The following TEX11 variants were observed in gnomAD, a reference collection of about 807,000 sequenced individuals.
TEX11 encodes testis-expressed protein 11.
Under a neutral mutation model 84.4 loss-of-function variants are expected in TEX11, and 7 were observed. The ratio of observed to expected loss-of-function variants is 0.08; its 90% CI spans 0.05 to 0.16. The LOEUF is 0.16. Ranked by LOEUF, TEX11 falls within the 10% of genes least tolerant of loss-of-function variation. The pLI is 1.00. For synonymous variants in TEX11, 264 were observed against 222.8 expected, an observed-to-expected ratio of 1.18 and a Z score of -1.64; for missense variants, 551 against 660.5, an observed-to-expected ratio of 0.83 and a Z score of 1.82.
At chrX:70,527,605 CT>C (rs368206845), downstream of TEX11, among the ~76,000 whole-genome samples, 701 of 111,499 alleles carry the variant, frequency 6.3e-3, 6 homozygotes, top group African/African-American at 0.021. Flanking sequence ...TTAGGAAGGA[CT>C]TTACTAAGTT....
At chrX:70,700,913 G>T (rs1183631882) in intron 13 of TEX11, among the ~76,000 whole-genome samples, 1 of 112,128 alleles carries the variant, frequency 8.9e-6, no homozygotes, top group African/African-American at 3.2e-5. Flanking sequence ...GCCACAGCAC[G>T]TTCTTGAGCC....
At chrX:70,862,827 G>A in intron 4 of TEX11, among the ~76,000 whole-genome samples, 1 of 107,841 alleles carries the variant, frequency 9.3e-6, no homozygotes, top group Middle Eastern at 4.6e-3. Context: ...AGGCAGGAAA[G>A]TCTCTTCAAC....
chrX:70,824,465 A>G (rs1273421536), intron 8 of TEX11, among the ~76,000 whole-genome samples: 1 of 111,479 alleles, frequency 9.0e-6, no homozygotes, highest in Non-Finnish European at 1.9e-5. Context: ...AAATACTCAA[A>G]ACTTTGAGAG....
intron 9 of TEX11, among the ~76,000 whole-genome samples, chrX:70,761,328 C>T (rs746984178): frequency 8.9e-6 from 1 of 111,822 alleles, no homozygotes; most frequent in Admixed American, 9.5e-5. Flanking sequence ...TATTGTGGCA[C>T]CATTTACAAT....
chrX:70,713,311 G>C (rs2090458872), intron 13 of TEX11, among the ~76,000 whole-genome samples: 1 of 111,972 alleles, frequency 8.9e-6, no homozygotes, highest in Non-Finnish European at 1.9e-5. Flanking sequence ...CTCATAAAGT[G>C]AGTTACGGAG....
chrX:70,897,707 G>GAAAGAAAGA (rs2091780469), intron 2 of TEX11: 1 of 99,395 alleles, frequency 1.0e-5, no homozygotes, highest in African/African-American at 3.9e-5. Context: ...AAGAAAGAAA[G>GAAAGAAAGA]AAAGAAAGAA....
chrX:70,767,592 C>A (rs1192689898), intron 9 of TEX11, among the ~76,000 whole-genome samples: 2 of 111,365 alleles, frequency 1.8e-5, no homozygotes, highest in Non-Finnish European at 3.8e-5. Flanking sequence ...AAAAATTGAG[C>A]TACCATATGA....
At chrX:70,712,698 G>A (rs1341028748) in intron 13 of TEX11, among the ~76,000 whole-genome samples, 5 of 110,752 alleles carry the variant, frequency 4.5e-5, no homozygotes, top group African/African-American at 1.3e-4. Context: ...GGGCTGAGAT[G>A]ATGGGGTTTT....
intron 16 of TEX11, among the ~76,000 whole-genome samples, chrX:70,660,262 T>C (rs1180816600): frequency 1.8e-5 from 2 of 111,806 alleles, no homozygotes; most frequent in Admixed American, 1.9e-4. Flanking sequence ...AAACAGTGTA[T>C]ACTTAGGCTA....
chrX:70,651,730 T>TAACTC (rs1387173647), intron 16 of TEX11, among the ~76,000 whole-genome samples, 178 bp from the exon 17 acceptor site: 138 of 111,883 alleles, frequency 1.2e-3, no homozygotes, highest in Admixed American at 4.1e-3. Context: ...CAGTGAGTTA[T>TAACTC]ACTTCTGGAA....
chrX:70,776,044 T>C (rs1457085848), intron 9 of TEX11, among the ~76,000 whole-genome samples: 2 of 68,964 alleles, frequency 2.9e-5, no homozygotes, highest in African/African-American at 4.0e-5. Context: ...AGCGTGGAGA[T>C]TTCTCAGAAA....
chrX:70,906,956 C>A (rs764830965), intron 2 of TEX11, among the ~76,000 whole-genome samples: 142 of 111,951 alleles, frequency 1.3e-3, no homozygotes, highest in African/African-American at 4.4e-3. Flanking sequence ...GATAGTACCA[C>A]AAACTCTCCT....
At chrX:70,845,091 T>C (rs1250180601) in intron 7 of TEX11, among the ~76,000 whole-genome samples, 1 of 112,067 alleles carries the variant, frequency 8.9e-6, no homozygotes, top group Non-Finnish European at 1.9e-5. Context: ...TAAGTGTCCA[T>C]CAACAGATGA....
intron 16 of TEX11, among the ~76,000 whole-genome samples, chrX:70,662,470 A>T (rs1239233857): frequency 9.0e-6 from 1 of 111,642 alleles, no homozygotes; most frequent in South Asian, 3.8e-4. Flanking sequence ...AACTTCCCCA[A>T]TCTAGCAAGG....
chrX:70,818,501 A>G (rs2091301822), intron 8 of TEX11, among the ~76,000 whole-genome samples: 1 of 110,718 alleles, frequency 9.0e-6, no homozygotes, highest in South Asian at 3.9e-4. Context: ...GGAGAACAGG[A>G]AAATTCCAGA....
intron 10 of TEX11, among the ~76,000 whole-genome samples, chrX:70,742,509 A>C (rs1335145408): frequency 6.4e-5 from 7 of 109,741 alleles, no homozygotes; most frequent in Non-Finnish European, 9.5e-5. Context: ...TGGGAGGATC[A>C]CTTGAGGCCA....
At position 70,593,508 on chromosome X, in the gene TEX11, A is replaced by G. The variant is rs150794151; in HGVS notation, c.2068-1685T>C. 3.0e-3 allele frequency among the ~76,000 whole-genome samples: 340 copies of G among 112,185 alleles called. 1 individual carries two copies. The highest frequency in any genetic ancestry group is 0.01 in the African/African-American group (315 of 30,961). On this transcript the variant is annotated intron_variant, in intron 24 of 29. Transcript: ENST00000374333. The stretch of plus-strand genomic sequence containing the variant: ...AAAGAGACAGGAAAGTGTGACTTCT[A>G]CATAGGAAAAAAGCAGGTAACAGGA...
chrX:70,653,066 A>G (rs928477730), intron 16 of TEX11, among the ~76,000 whole-genome samples: 6 of 112,237 alleles, frequency 5.3e-5, no homozygotes, highest in Admixed American at 1.9e-4. Context: ...ATTATAACCT[A>G]AATATAAAAA....
At chrX:70,524,712 T>A (rs1373898764), downstream of TEX11, among the ~76,000 whole-genome samples, 2 of 112,219 alleles carry the variant, frequency 1.8e-5, no homozygotes, top group Non-Finnish European at 3.8e-5. Flanking sequence ...ATTATAGGCA[T>A]GCGCCACCAC....
Sources: gnomAD v4.1 joint callset for allele counts (sites outside exome capture counted in the v4.1 genomes callset) on GRCh38, gnomAD v4.1.1 for gene constraint, MANE v1.5 for transcripts, NCBI Gene and HGNC (gene_info 2026-07-23, HGNC 2026-07-21) for gene names.